Variants in AATF observed in about 807,000 individuals in gnomAD.
The protein encoded by AATF is apoptosis antagonizing transcription factor, also known as protein AATF.
Under a neutral mutation model 63.7 loss-of-function variants are expected in AATF, and 48 were observed. That is an observed-to-expected ratio of 0.75 (90% CI 0.60 to 0.96). AATF has a LOEUF of 0.96. Ranked by LOEUF, AATF falls within the 40% of genes least tolerant of loss-of-function variation. The pLI, the probability that AATF is intolerant of heterozygous loss-of-function variation, is 0.00. For synonymous variants in AATF, 258 were observed against 247.7 expected (o/e 1.04, Z -0.39); for missense variants, 639 against 685.7 (o/e 0.93, Z 0.76).
chr17:37,013,171 A>G (rs908922201), intron 8 of AATF, among the ~76,000 whole-genome samples: 16 of 152,224 alleles, frequency 1.1e-4, no homozygotes, highest in African/African-American at 3.6e-4. Context: ...GTCTGAATAG[A>G]CATTTCTCCA....
chr17:36,975,421 T>C (rs2071072443), intron 4 of AATF, among the ~76,000 whole-genome samples: 4 of 152,222 alleles, frequency 2.6e-5, no homozygotes, highest in Admixed American at 2.6e-4. Flanking sequence ...CCTAATACTG[T>C]ATGCGTACTT....
At chr17:37,002,770 A>G (rs1208916183) in intron 8 of AATF, among the ~76,000 whole-genome samples, 3 of 152,140 alleles carry the variant, frequency 2.0e-5, no homozygotes, top group Non-Finnish European at 4.4e-5. Context: ...TATTGCTGAA[A>G]GAAATTAAAG....
intron 11 of AATF, among the ~76,000 whole-genome samples, chr17:37,052,046 T>C (rs1238811792): frequency 8.0e-5 from 12 of 150,864 alleles, no homozygotes; most frequent in African/African-American, 3.0e-4. Flanking sequence ...CGCAGGCTGC[T>C]CCCCTGCATG....
At chr17:36,968,270 C>CTTTTTTTTTTTT (rs3049638) in intron 4 of AATF, among the ~76,000 whole-genome samples, 9 of 23,792 alleles carry the variant, frequency 3.8e-4, no homozygotes, top group African/African-American at 6.5e-4. Context: ...TTCCTTCTTT[C>CTTTTTTTTTTTT]TTTTTTTTTT....
intron 11 of AATF, chr17:37,033,662 A>C (rs2071568280): frequency 6.5e-6 from 1 of 154,796 alleles, no homozygotes; most frequent in African/African-American, 2.4e-5. Flanking sequence ...CTACAGAGGC[A>C]TAAGGAAATG....
chr17:36,966,829 C>T (rs545429089), intron 4 of AATF, among the ~76,000 whole-genome samples: 1 of 152,238 alleles, frequency 6.6e-6, no homozygotes, highest in African/African-American at 2.4e-5. Flanking sequence ...ATCTCAAACT[C>T]CTGGCCTCAA....
At chr17:37,050,296 C>T (rs184612180) in intron 11 of AATF, among the ~76,000 whole-genome samples, 1 of 152,288 alleles carries the variant, frequency 6.6e-6, no homozygotes, top group East Asian at 1.9e-4. Flanking sequence ...CCTTCCCGAT[C>T]TAGCTTCTGC....
At chr17:36,978,981 C>G (rs2071100080) in intron 4 of AATF, among the ~76,000 whole-genome samples, 2 of 151,910 alleles carry the variant, frequency 1.3e-5, no homozygotes, top group African/African-American at 4.8e-5. Context: ...TTTCCTCATG[C>G]CTGGGTAGCC....
intron 11 of AATF, among the ~76,000 whole-genome samples, chr17:37,050,556 G>C (rs975562923): frequency 1.3e-5 from 2 of 152,186 alleles, no homozygotes; most frequent in Non-Finnish European, 2.9e-5. Context: ...TGACCGCGCT[G>C]GTCTGTGCAG....
chr17:37,047,292 G>A (rs181073351), intron 11 of AATF, among the ~76,000 whole-genome samples: 2 of 151,876 alleles, frequency 1.3e-5, no homozygotes, highest in African/African-American at 2.4e-5. Flanking sequence ...CCACCCCTCT[G>A]CTTTTTTGCA....
intron 10 of AATF, among the ~76,000 whole-genome samples, chr17:37,025,385 C>T (rs777039175): frequency 1.1e-4 from 17 of 152,008 alleles, no homozygotes; most frequent in Admixed American, 1.0e-3. Context: ...AGGGAGGGTA[C>T]GGTGTGACAA....
intron 4 of AATF, among the ~76,000 whole-genome samples, chr17:36,960,025 C>T (rs530935905): frequency 0.037 from 5,652 of 151,586 alleles, 353 homozygotes; most frequent in African/African-American, 0.13. Context: ...AATTTTTTTC[C>T]CCCCCCGAGA....
chr17:36,950,957 C>T (rs1319890919), intron 2 of AATF, among the ~76,000 whole-genome samples: 1 of 152,134 alleles, frequency 6.6e-6, no homozygotes, highest in African/African-American at 2.4e-5. Context: ...GAATTGTGAC[C>T]CCTGACCTTT....
intron 2 of AATF, among the ~76,000 whole-genome samples, chr17:36,950,954 G>T (rs2070850371): frequency 6.6e-6 from 1 of 152,162 alleles, no homozygotes; most frequent in Non-Finnish European, 1.5e-5. Flanking sequence ...CTTGAATTGT[G>T]ACCCCTGACC....
chr17:36,986,472 G>T, intron 4 of AATF, 145 bp from the exon 5 acceptor site: 1 of 633,356 alleles, frequency 1.6e-6, no homozygotes. Flanking sequence ...GAATATTTCA[G>T]AGAGTATTTA....
intron 8 of AATF, among the ~76,000 whole-genome samples, chr17:37,015,399 G>A (rs1441846521): frequency 6.6e-6 from 1 of 152,184 alleles, no homozygotes; most frequent in Non-Finnish European, 1.5e-5. Context: ...ACAAGAAGGT[G>A]GCAGTTTCTG....
intron 11 of AATF, among the ~76,000 whole-genome samples, chr17:37,050,445 A>C (rs1030206046): frequency 5.3e-5 from 8 of 152,224 alleles, no homozygotes; most frequent in African/African-American, 1.9e-4. Context: ...GTACATGTTT[A>C]AGCTTCCACC....
chr17:37,041,545 GC>G (rs1555654654), intron 11 of AATF, among the ~76,000 whole-genome samples: 1 of 151,638 alleles, frequency 6.6e-6, no homozygotes, highest in Non-Finnish European at 1.5e-5. Flanking sequence ...TTGCCCTGTC[GC>G]CCAGGCTGAA....
intron 10 of AATF, among the ~76,000 whole-genome samples, chr17:37,026,369 G>C (rs1237616943): frequency 6.6e-6 from 1 of 152,228 alleles, no homozygotes; most frequent in Non-Finnish European, 1.5e-5. Context: ...GACCATAAAT[G>C]TGAGGATGTG....
Sources: allele counts gnomAD v4.1 joint callset (sites outside exome capture counted in the v4.1 genomes callset), GRCh38; gene constraint gnomAD v4.1.1; transcripts MANE v1.5; gene names NCBI Gene and HGNC (gene_info 2026-07-23, HGNC 2026-07-21).